PTRH2: variants seen among roughly 807,000 people sequenced by gnomAD.
PTRH2 encodes peptidyl-tRNA hydrolase 2, mitochondrial.
A neutral mutation model predicts 12.3 loss-of-function variants in PTRH2; 10 were observed. That is an observed-to-expected ratio of 0.81 (90% CI 0.50 to 1.38). The LOEUF (loss-of-function observed/expected upper bound fraction) is 1.38, where lower values mean the gene tolerates loss of function less well. PTRH2 is among the 40% of genes most tolerant of loss of function. The probability of loss-of-function intolerance (pLI) is 0.00; values close to 1 mark genes in which losing one functional copy is unlikely to be tolerated. For synonymous variants in PTRH2, 73 were observed against 77.4 expected, an observed-to-expected ratio of 0.94 and a Z score of 0.30; for missense variants, 176 against 214.1, an observed-to-expected ratio of 0.82 and a Z score of 1.11.
At chr17:59,701,700 TTTTG>T (rs776470585) in intron 1 of PTRH2, among the ~76,000 whole-genome samples, 18 of 151,868 alleles carry the variant, frequency 1.2e-4, no homozygotes, top group South Asian at 2.1e-4. Context: ...TTTGGGGTTT[TTTTG>T]TTTGTTTGTT....
chr17:59,706,766 C>G (rs998771284), intron 1 of PTRH2, among the ~76,000 whole-genome samples: 2 of 151,762 alleles, frequency 1.3e-5, no homozygotes, highest in Non-Finnish European at 1.5e-5. Flanking sequence ...CTCCGCCTCC[C>G]GAGTTCAAGT....
intron 1 of PTRH2, chr17:59,699,678 T>C (rs112828415): frequency 9.8e-5 from 15 of 152,824 alleles, no homozygotes; most frequent in Non-Finnish European, 7.3e-5. Flanking sequence ...GACAGTGGAT[T>C]TAACTGATGC....
At chr17:59,704,703 A>T (rs1311098180) in intron 1 of PTRH2, among the ~76,000 whole-genome samples, 1 of 152,174 alleles carries the variant, frequency 6.6e-6, no homozygotes, top group African/African-American at 2.4e-5. Context: ...CAAGTGCCTA[A>T]ATACGGTGAC....
rs1320808315 is a variant in PTRH2 at position 59,707,403 on chromosome 17, CCTT to C, written c.-36_-34del. 7.9e-5 allele frequency: 12 copies of C among 152,666 alleles called. No homozygotes were observed. The highest frequency in any genetic ancestry group is 7.9e-4 in the Admixed American group (12 of 15,274). The allele number at this position is 152,666 out of a possible 1,614,324, so 9.5% of individuals were successfully genotyped here. A position where few individuals can be genotyped will look rare whatever the true frequency, so the allele number is the denominator to read the frequency against. ...ACCTCCTTTCCTCACTCGCGCCTTC[CCTT>C]CTTCTGGGCAGCGAACACGTTTCTA... is the stretch of plus-strand genomic sequence containing the variant. On this transcript the variant is annotated 5_prime_UTR_variant, in exon 1 of 2. Transcript: ENST00000393038.
intron 1 of PTRH2, chr17:59,699,001 A>C (rs1389832042): frequency 4.6e-6 from 3 of 658,304 alleles, no homozygotes; most frequent in Non-Finnish European, 8.3e-6. Context: ...CATCGAGAAT[A>C]GGTGGTAGAA....
In PTRH2 at chr17:59,698,762, C is replaced by T; in HGVS notation, c.1-784G>A. Reference sequence around the variant, plus strand: ...TGCTCAGAACACTTACATTAGCCTACAGTTGGACAAAAATCATCTAACACG... The same window carrying T: ...TGCTCAGAACACTTACATTAGCCTATAGTTGGACAAAAATCATCTAACACG... On this transcript the variant is annotated intron_variant, in intron 1 of 1. Coordinates refer to ENST00000393038, the MANE Select transcript of PTRH2 (RefSeq NM_016077.5). 6 of 659,234 alleles carry T rather than the reference C, an allele frequency of 9.1e-6. No individual in the cohort carries two copies. The South Asian group carries it at 1.0e-4, about 11-fold the overall frequency. 40.8% of individuals were successfully genotyped at this position (659,234 alleles called of 1,614,324 possible).
At chr17:59,699,846 CTCT>C (rs1381211382) in intron 1 of PTRH2, 2 of 152,716 alleles carry the variant, frequency 1.3e-5, no homozygotes, top group African/African-American at 2.4e-5. Context: ...AATTGCCTTC[CTCT>C]TCTTCATCTC....
chr17:59,703,694 C>T (rs944725887), intron 1 of PTRH2, among the ~76,000 whole-genome samples: 3 of 151,666 alleles, frequency 2.0e-5, no homozygotes, highest in Admixed American at 6.6e-5. Flanking sequence ...TTAGTAGAGA[C>T]GGGGTTTCAC....
chr17:59,700,068 A>G lies in PTRH2; in HGVS notation c.1-2090T>C, dbSNP rs183653127. 7 of 152,364 alleles carry G rather than the reference A, an allele frequency of 4.6e-5. No individual in the cohort carries two copies. The East Asian group carries it at 7.7e-4, about 17-fold the overall frequency. The allele number at this position is 152,364 out of a possible 1,614,324, so 9.4% of individuals were successfully genotyped here. On this transcript the variant is annotated intron_variant, in intron 1 of 1. Transcript: ENST00000393038. The stretch of plus-strand genomic sequence containing the variant: ...TGTACCACATTATCACTAGGCCAGG[A>G]AAAGATCAAAATGCAAAACTCGAAG...
At chr17:59,700,890 G>A (rs2033544065) in intron 1 of PTRH2, 1 of 152,214 alleles carries the variant, frequency 6.6e-6, no homozygotes, top group Admixed American at 6.5e-5. Flanking sequence ...AAGGAGCTCA[G>A]ACAGAAGTTA....
chr17:59,697,791 C>T lies in PTRH2; in HGVS notation c.188G>A (p.Gly63Glu), dbSNP rs923283708. Reference sequence around the variant, plus strand: ...AACCACAAGAATCATCTTGTACTCCCCGCTGTCTCCCAAGATGCTTGCTTC... The same window carrying T: ...AACCACAAGAATCATCTTGTACTCCTCGCTGTCTCCCAAGATGCTTGCTTC... ...ESEASILGDS[G>E]EYKMILVVRN... The change falls in exon 2 of 2, where the codon GGG (glycine) becomes GAG (glutamate). Residue 63 changes from glycine to glutamate, a missense_variant. By Grantham distance (98) the Gly-to-Glu change is moderately conservative. Transcript: ENST00000393038. 6.2e-7 allele frequency: 1 copy of T among 1,614,200 alleles called. No individual in the cohort carries two copies. The highest frequency in any genetic ancestry group is 8.5e-7 in the Non-Finnish European group (1 of 1,180,034).
intron 1 of PTRH2, among the ~76,000 whole-genome samples, chr17:59,704,795 T>G (rs2033611193): frequency 6.6e-6 from 1 of 151,246 alleles, no homozygotes; most frequent in Non-Finnish European, 1.5e-5. Flanking sequence ...AGAGAATTCT[T>G]TTTTTTTTCT....
chr17:59,697,350 G>C lies in PTRH2; in HGVS notation c.*89C>G, dbSNP rs2033455169. On this transcript the variant is annotated 3_prime_UTR_variant, in exon 2 of 2. Coordinates refer to ENST00000393038, the MANE Select transcript of PTRH2 (RefSeq NM_016077.5). The stretch of plus-strand genomic sequence containing the variant: ...TTATTTTCATCTCAAGAACATTTAA[G>C]TTGGGTGAAGAAATTCAGCTTTTGT... 3 of 1,398,396 alleles carry C rather than the reference G, an allele frequency of 2.1e-6. No homozygotes were observed. The South Asian group carries it at 4.2e-5, about 20-fold the overall frequency. 86.6% of individuals were successfully genotyped at this position (1,398,396 alleles called of 1,614,324 possible). A position where few individuals can be genotyped will look rare whatever the true frequency, so the allele number is the denominator to read the frequency against.
intron 1 of PTRH2, among the ~76,000 whole-genome samples, chr17:59,702,259 T>C (rs1443100959): frequency 6.6e-6 from 1 of 152,130 alleles, no homozygotes; most frequent in African/African-American, 2.4e-5. Context: ...ATTGCAAGAC[T>C]GGTAAATGTT....
intron 1 of PTRH2, among the ~76,000 whole-genome samples, chr17:59,705,326 C>G (rs1463152545): frequency 1.3e-5 from 2 of 152,186 alleles, no homozygotes; most frequent in Non-Finnish European, 2.9e-5. Flanking sequence ...TCCATTACCT[C>G]ATTTATTGTT....
At chr17:59,700,648 A>C (rs181617720) in intron 1 of PTRH2, 1 of 152,212 alleles carries the variant, frequency 6.6e-6, no homozygotes, top group Non-Finnish European at 1.5e-5. Flanking sequence ...AAAGCAATGG[A>C]TATAAGGCGA....
At chr17:59,706,252 ATCT>A (rs1045876163) in intron 1 of PTRH2, among the ~76,000 whole-genome samples, 35 of 152,262 alleles carry the variant, frequency 2.3e-4, no homozygotes, top group African/African-American at 7.9e-4. Context: ...ATCCTATAAA[ATCT>A]TCTTCTTGGT....
chr17:59,707,106 G>A (rs1015552564), intron 1 of PTRH2: 1 of 152,304 alleles, frequency 6.6e-6, no homozygotes, highest in Non-Finnish European at 1.5e-5. Context: ...TTCGGAGAGA[G>A]CGCATCGATA....
At position 59,706,644 on chromosome 17, in the gene PTRH2, T is replaced by G. The variant is rs116060347; in HGVS notation, c.-1+727A>C. ...ATTAATACCTCTCTAGTTAATCTCT[T>G]TGTGTGAAAAAGGGGGGAAATTTTT... On this transcript the variant is annotated intron_variant, in intron 1 of 1. Transcript: ENST00000393038. Among the ~76,000 whole-genome samples the G allele has an allele frequency of 3.3e-3, 495 of 150,058 alleles. 3 individuals carry two copies. Among genetic ancestry groups the G allele is most frequent in the African/African-American group, 0.012 (477 of 40,614 alleles).
Sources: gnomAD v4.1 joint callset for allele counts (sites outside exome capture counted in the v4.1 genomes callset) on GRCh38, gnomAD v4.1.1 for gene constraint, MANE v1.5 for transcripts, NCBI Gene and HGNC (gene_info 2026-07-23, HGNC 2026-07-21) for gene names.